Variants in TRPM7 observed in about 807,000 individuals in gnomAD.
The protein encoded by TRPM7 is LTRPC ion channel family member 7.
A neutral mutation model predicts 229.7 loss-of-function variants in TRPM7; 134 were observed. The ratio of observed to expected loss-of-function variants is 0.58; its 90% CI spans 0.51 to 0.67. TRPM7 has a LOEUF of 0.67. Among genes scored for constraint, TRPM7 ranks in the 30% least tolerant of loss-of-function variants. The pLI is 0.00. For missense variants in TRPM7, 1,901 were observed against 2,210.0 expected (o/e 0.86, Z 2.80); for synonymous variants, 699 against 715.2 (o/e 0.98, Z 0.36).
chr15:50,686,419 G>C (rs556954174), intron 1 of TRPM7, 112 bp downstream of exon 1: 21 of 1,568,120 alleles, frequency 1.3e-5, no homozygotes, highest in African/African-American at 1.2e-4. Context: ...GGCAATTCGA[G>C]GGTCCTTCGC....
At chr15:50,649,961 G>T (rs529730295) in intron 3 of TRPM7, among the ~76,000 whole-genome samples, 1 of 152,044 alleles carries the variant, frequency 6.6e-6, no homozygotes, top group South Asian at 2.1e-4. Flanking sequence ...TTGGGAGGCC[G>T]AGACGGGCAG....
intron 1 of TRPM7, among the ~76,000 whole-genome samples, chr15:50,672,062 G>A (rs1183118691): frequency 1.4e-5 from 2 of 147,802 alleles, no homozygotes. Flanking sequence ...GTTGGTTTTT[G>A]TTTTTGTTTT....
At chr15:50,586,032 C>T (rs1233961764) in intron 28 of TRPM7, among the ~76,000 whole-genome samples, 1 of 151,876 alleles carries the variant, frequency 6.6e-6, no homozygotes, top group Non-Finnish European at 1.5e-5. Context: ...TAATTTTGAA[C>T]CAAAAATGTA....
At chr15:50,579,891 T>C (rs545703389) in intron 30 of TRPM7, among the ~76,000 whole-genome samples, 9 of 152,272 alleles carry the variant, frequency 5.9e-5, no homozygotes, top group African/African-American at 1.7e-4. Context: ...GCTCAAACAA[T>C]CCTTCTGCCT....
Position 50,653,154 on chromosome 15 carries a change from C to G in TRPM7, c.123-4269G>C, listed in dbSNP as rs1057153409. Among the ~76,000 whole-genome samples the G allele has an allele frequency of 3.3e-5, 5 of 152,122 alleles. No individual in the cohort carries two copies. In the East Asian group the frequency reaches 5.8e-4, roughly 18 times the overall value. ...GTGAGACCCTGTTTCCCCACTCCCC[C>G]CAAAAAGAAAAAAGAAACGGACGTG... On this transcript the variant is annotated intron_variant, in intron 3 of 38. Coordinates refer to ENST00000646667, the MANE Select transcript of TRPM7 (RefSeq NM_017672.6).
intron 1 of TRPM7, among the ~76,000 whole-genome samples, chr15:50,674,226 T>C (rs915170705): frequency 1.3e-5 from 2 of 152,158 alleles, no homozygotes; most frequent in African/African-American, 4.8e-5. Flanking sequence ...TGACCTCAAG[T>C]GATCCATCTG....
At chr15:50,589,770 T>C (rs1210685570) in intron 26 of TRPM7, 114 bp from the exon 27 acceptor site, 4 of 640,464 alleles carry the variant, frequency 6.2e-6, no homozygotes, top group African/African-American at 3.8e-5. Context: ...TCAAGTACAC[T>C]TGATGGCTCT....
In TRPM7 at chr15:50,610,951, A is replaced by G. The variant is rs926607832; in HGVS notation, c.2280+142T>C. On this transcript the variant is annotated intron_variant, in intron 17 of 38. Coordinates refer to ENST00000646667, the MANE Select transcript of TRPM7 (RefSeq NM_017672.6). ...AAGCCCATTATACCACTTGGGATGA[A>G]ATGCCAATCATCCATCTTGCTCCCT... is the stretch of plus-strand genomic sequence containing the variant. 10 of 653,114 alleles carry G rather than the reference A, an allele frequency of 1.5e-5. No individual in the cohort carries two copies. The African/African-American group carries it at 1.8e-4, about 12-fold the overall frequency. 40.5% of individuals were successfully genotyped at this position (653,114 alleles called of 1,614,324 possible).
intron 1 of TRPM7, among the ~76,000 whole-genome samples, chr15:50,681,881 A>G (rs942643485): frequency 1.3e-5 from 2 of 152,216 alleles, no homozygotes; most frequent in Admixed American, 6.5e-5. Flanking sequence ...GATTGAGAAG[A>G]TAACAGTGAT....
At chr15:50,653,898 T>A (rs536975430) in intron 3 of TRPM7, among the ~76,000 whole-genome samples, 56 of 152,218 alleles carry the variant, frequency 3.7e-4, no homozygotes, top group African/African-American at 1.3e-3. Flanking sequence ...CTGGAAGACA[T>A]AGCAGTTTTA....
At chr15:50,575,243 G>T in intron 33 of TRPM7, 108 bp from the exon 34 acceptor site, 1 of 884,914 alleles carries the variant, frequency 1.1e-6, no homozygotes, top group Non-Finnish European at 1.7e-6. Flanking sequence ...AAGATAAAAT[G>T]GACCAAGATG....
intron 26 of TRPM7, among the ~76,000 whole-genome samples, chr15:50,591,435 T>C (rs2140357423): frequency 6.6e-6 from 1 of 152,076 alleles, no homozygotes; most frequent in Non-Finnish European, 1.5e-5. Context: ...AAAGAGGTTA[T>C]GTGCCAATAT....
intron 1 of TRPM7, among the ~76,000 whole-genome samples, chr15:50,665,363 C>T (rs1232425518): frequency 6.6e-6 from 1 of 150,754 alleles, no homozygotes; most frequent in Non-Finnish European, 1.5e-5. Context: ...CACTGCACTC[C>T]AGCCTGGGTG....
intron 1 of TRPM7, among the ~76,000 whole-genome samples, chr15:50,673,050 C>T (rs1225921291): frequency 1.4e-5 from 2 of 146,448 alleles, no homozygotes; most frequent in Admixed American, 6.7e-5. Flanking sequence ...TAAAAAGTTA[C>T]AGTAAGCTAG....
At position 50,682,173 on chromosome 15, in the gene TRPM7, C is replaced by CAAAAAAAAAAAAAAAAA. The variant is rs34590459; in HGVS notation, c.3+4341_3+4357dup. On this transcript the variant is annotated intron_variant, in intron 1 of 38. Transcript: ENST00000646667. ...TGGGCAAAAGAGCAAAACTCAGTCT[C>CAAAAAAAAAAAAAAAAA]AAAAAAAAAAAAAAAAAAGGACTGT... 3.5e-3 allele frequency among the ~76,000 whole-genome samples: 221 copies of CAAAAAAAAAAAAAAAAA among 63,594 alleles called. 15 individuals carry two copies. The highest frequency in any genetic ancestry group is 5.9e-3 in the South Asian group (9 of 1,524). 41.7% of individuals were successfully genotyped at this position (63,594 alleles called of 152,430 possible).
chr15:50,589,566 G>T (rs906876727), intron 27 of TRPM7, 26 bp downstream of exon 27: 1 of 1,388,364 alleles, frequency 7.2e-7, no homozygotes, highest in Middle Eastern at 1.9e-4. Flanking sequence ...ATAGAACTGT[G>T]GGTGTTTTAA....
At chr15:50,648,630 T>A in intron 4 of TRPM7, 57 bp downstream of exon 4, 3 of 1,468,582 alleles carry the variant, frequency 2.0e-6, no homozygotes, top group Non-Finnish European at 2.8e-6. Context: ...ACACAAATTG[T>A]GATGTTTATT....
chr15:50,643,574 G>A, intron 4 of TRPM7, 21 bp from the exon 5 acceptor site: 3 of 1,598,180 alleles, frequency 1.9e-6, no homozygotes, highest in Non-Finnish European at 2.6e-6. Flanking sequence ...ATTTTAAAAG[G>A]AGAAAATAAT....
chr15:50,633,663 C>T (rs1290656067), intron 8 of TRPM7, among the ~76,000 whole-genome samples: 1 of 152,154 alleles, frequency 6.6e-6, no homozygotes, highest in South Asian at 2.1e-4. Flanking sequence ...TAAACCATTT[C>T]TTTGTATAAA....
Sources: allele counts gnomAD v4.1 joint callset (sites outside exome capture counted in the v4.1 genomes callset), GRCh38; gene constraint gnomAD v4.1.1; transcripts MANE v1.5; gene names NCBI Gene and HGNC (gene_info 2026-07-23, HGNC 2026-07-21).